Variants in SLC35A1 observed in about 807,000 individuals in gnomAD.
The protein encoded by SLC35A1 is CMP-sialic acid transporter.
SLC35A1 carries 21 observed loss-of-function variants against 40.3 expected under a neutral mutation model. The observed-to-expected ratio is 0.52, with a 90% CI of 0.37 to 0.75. SLC35A1 has a LOEUF of 0.75. SLC35A1 is among the 30% of genes least tolerant of loss of function. SLC35A1 has a pLI of 0.00. For synonymous variants in SLC35A1, 146 were observed against 147.3 expected (o/e 0.99, Z 0.06); for missense variants, 297 against 382.1 (o/e 0.78, Z 1.86).
intron 2 of SLC35A1, among the ~76,000 whole-genome samples, chr6:87,487,086 G>T (rs1769412166): frequency 6.6e-6 from 1 of 152,138 alleles, no homozygotes; most frequent in Non-Finnish European, 1.5e-5. Context: ...TGAGGCAGGA[G>T]AATTGCTTGA....
chr6:87,478,744 A>G (rs1391677400), intron 2 of SLC35A1, among the ~76,000 whole-genome samples: 2 of 152,226 alleles, frequency 1.3e-5, no homozygotes, highest in African/African-American at 4.8e-5. Context: ...TGTGTTATAA[A>G]TAAAGTTTCA....
At position 87,508,518 on chromosome 6, in the gene SLC35A1, G is replaced by A. The variant is rs141689740; in HGVS notation, c.673G>A (p.Val225Ile). The A allele has an allele frequency of 1.9e-5, 31 of 1,612,640 alleles. No individual in the cohort carries two copies. Among genetic ancestry groups the A allele is most frequent in the African/African-American group, 8.0e-5 (6 of 74,846 alleles). The change falls in exon 6 of 8, where the codon GTC (valine) becomes ATC (isoleucine). Residue 225 changes from valine to isoleucine, a missense_variant. By Grantham distance (29) the Val-to-Ile change is conservative (BLOSUM62 3). Transcript: ENST00000369552. ...LSGIIVTLAG[V>I]YLSDGAEIKE... ...AGGGATTATTGTGACATTAGCTGGC[G>A]TCTACTTGTCAGATGGAGCTGAAAT...
At chr6:87,493,003 TG>T (rs1461640982) in intron 2 of SLC35A1, among the ~76,000 whole-genome samples, 2 of 152,218 alleles carry the variant, frequency 1.3e-5, no homozygotes, top group Non-Finnish European at 2.9e-5. Context: ...ACTGGTTTTG[TG>T]GTCTGATACT....
At chr6:87,477,016 C>A (rs1446757957) in intron 1 of SLC35A1, among the ~76,000 whole-genome samples, 3 of 152,064 alleles carry the variant, frequency 2.0e-5, no homozygotes, top group Non-Finnish European at 4.4e-5. Flanking sequence ...GAGACCTTGT[C>A]TCCAAAAAAA....
chr6:87,476,902 C>T (rs887393426), intron 1 of SLC35A1, among the ~76,000 whole-genome samples: 1 of 152,012 alleles, frequency 6.6e-6, no homozygotes, highest in African/African-American at 2.4e-5. Flanking sequence ...TAGTGCACGC[C>T]TGTAGTCCCG....
chr6:87,499,176 T>C (rs1041414445), intron 2 of SLC35A1: 1 of 923,992 alleles, frequency 1.1e-6, no homozygotes, highest in Non-Finnish European at 1.3e-6. Flanking sequence ...GGTTAGTCAA[T>C]TTAATATAAT....
intron 4 of SLC35A1, among the ~76,000 whole-genome samples, chr6:87,503,984 C>CTAAA (rs1403662420): frequency 6.6e-6 from 1 of 152,182 alleles, no homozygotes; most frequent in Non-Finnish European, 1.5e-5. Context: ...CTAGCATTAT[C>CTAAA]TAAATGCTTT....
intron 1 of SLC35A1, among the ~76,000 whole-genome samples, chr6:87,476,490 C>T (rs955917473): frequency 6.6e-6 from 1 of 151,994 alleles, no homozygotes; most frequent in South Asian, 2.1e-4. Context: ...TTTGGGAGGC[C>T]GAGGTGGGTG....
chr6:87,477,560 T>C (rs1769111980), intron 2 of SLC35A1, 21 bp downstream of exon 2: 11 of 1,573,034 alleles, frequency 7.0e-6, no homozygotes, highest in Admixed American at 1.7e-5. Context: ...ATACTTATAG[T>C]GTGTTAAATT....
chr6:87,490,247 C>G (rs920554861), intron 2 of SLC35A1, among the ~76,000 whole-genome samples: 7 of 151,606 alleles, frequency 4.6e-5, no homozygotes, highest in Non-Finnish European at 8.8e-5. Flanking sequence ...ATTATAAATG[C>G]AATTTACTTG....
Position 87,511,487 on chromosome 6 carries a change from A to G in SLC35A1, c.975A>G (p.Gln325=), listed in dbSNP as rs1428268603. The change falls in exon 8 of 8, where the codon CAA becomes CAG. Residue 325 remains glutamine, a synonymous_variant. Coordinates refer to ENST00000369552, the MANE Select transcript of SLC35A1 (RefSeq NM_006416.5). The part of the protein sequence containing the change: ...LPRQDTTSIQ[Q]GETASKERVI... The stretch of plus-strand genomic sequence containing the variant: ...GACAAGACACTACATCCATCCAACA[A>G]GGAGAAACAGCTTCAAAGGAGAGAG... 1 of 1,614,056 alleles carries G rather than the reference A, an allele frequency of 6.2e-7. No homozygotes were observed. The highest frequency in any genetic ancestry group is 1.3e-5 in the African/African-American group (1 of 75,028).
At chr6:87,479,921 C>A (rs543069104) in intron 2 of SLC35A1, among the ~76,000 whole-genome samples, 1 of 152,282 alleles carries the variant, frequency 6.6e-6, no homozygotes, top group South Asian at 2.1e-4. Flanking sequence ...CTATAAGGAG[C>A]TTCTCTCACT....
intron 1 of SLC35A1, among the ~76,000 whole-genome samples, chr6:87,475,919 T>C (rs1297914220): frequency 2.0e-5 from 3 of 152,204 alleles, no homozygotes; most frequent in Non-Finnish European, 2.9e-5. Flanking sequence ...TGCTGATCCC[T>C]GTTTAACCTT....
chr6:87,474,192 A>G (rs891641330), intron 1 of SLC35A1, among the ~76,000 whole-genome samples: 1 of 152,248 alleles, frequency 6.6e-6, no homozygotes, highest in African/African-American at 2.4e-5. Flanking sequence ...AATAGCTGCA[A>G]CAATGTAAAG....
rs71018020 is a variant in SLC35A1, at chr6:87,477,166, G to GGT, written c.17-172_17-171dup. On this transcript the variant is annotated intron_variant, in intron 1 of 7. Transcript: ENST00000369552. ...TTGGCTGATGTTTAAAGTCAGCTGTGGTGTGTGTGTGTGTGTGTGTGTGTG... is the reference window on the plus strand; with the variant it reads ...TTGGCTGATGTTTAAAGTCAGCTGTGGTGTGTGTGTGTGTGTGTGTGTGTGTG... Among the ~76,000 whole-genome samples the GGT allele has an allele frequency of 7.1e-3, 1,068 of 149,684 alleles. 3 individuals carry two copies. The highest frequency in any genetic ancestry group is 0.011 in the African/African-American group (433 of 40,848).
chr6:87,476,877 A>G (rs1392782767), intron 1 of SLC35A1, among the ~76,000 whole-genome samples: 1 of 151,984 alleles, frequency 6.6e-6, no homozygotes, highest in Non-Finnish European at 1.5e-5. Context: ...AATGCAAAAA[A>G]TTAGCTGGCT....
At chr6:87,504,344 G>T (rs139932642) in intron 4 of SLC35A1, among the ~76,000 whole-genome samples, 9 of 151,010 alleles carry the variant, frequency 6.0e-5, no homozygotes, top group African/African-American at 2.2e-4. Flanking sequence ...CTGAGTTTTC[G>T]ATTTCTTGAT....
intron 2 of SLC35A1, among the ~76,000 whole-genome samples, chr6:87,483,171 C>A (rs1248300893): frequency 6.6e-6 from 1 of 151,874 alleles, no homozygotes; most frequent in Non-Finnish European, 1.5e-5. Context: ...CTGTCTCTCT[C>A]TCTCTCTTTC....
intron 5 of SLC35A1, among the ~76,000 whole-genome samples, chr6:87,507,327 G>A (rs375366281): frequency 1.5e-4 from 23 of 152,242 alleles, no homozygotes; most frequent in African/African-American, 5.5e-4. Flanking sequence ...ATAGCATTGT[G>A]TTCTAGAAAC....
Sources: allele counts gnomAD v4.1 joint callset (sites outside exome capture counted in the v4.1 genomes callset), GRCh38; gene constraint gnomAD v4.1.1; transcripts MANE v1.5; gene names NCBI Gene and HGNC (gene_info 2026-07-23, HGNC 2026-07-21).